Variants in BPNT2 observed in about 807,000 individuals in gnomAD.
BPNT2 encodes Golgi-resident adenosine 3',5'-bisphosphate 3'-phosphatase.
A neutral mutation model predicts 29.3 loss-of-function variants in BPNT2; 11 were observed. The observed-to-expected ratio is 0.38, with a 90% CI of 0.24 to 0.62. BPNT2 has a LOEUF of 0.62. Ranked by LOEUF, BPNT2 falls within the 20% of genes least tolerant of loss-of-function variation. BPNT2 has a pLI of 0.62. For missense variants in BPNT2, 459 were observed against 473.4 expected (o/e 0.97, Z 0.28); for synonymous variants, 195 against 187.7 (o/e 1.04, Z -0.32).
intron 1 of BPNT2, among the ~76,000 whole-genome samples, chr8:56,991,181 G>C (rs1486633348): frequency 6.6e-6 from 1 of 152,156 alleles, no homozygotes; most frequent in Non-Finnish European, 1.5e-5. Context: ...CGCTCAACAT[G>C]ACACCATCCC....
chr8:56,988,118 T>C (rs997507272), intron 1 of BPNT2, among the ~76,000 whole-genome samples: 7 of 152,192 alleles, frequency 4.6e-5, no homozygotes, highest in African/African-American at 9.7e-5. Context: ...CTATCAACTA[T>C]TGTCTTTCAA....
intron 4 of BPNT2, 33 bp downstream of exon 4, chr8:56,966,158 T>C: frequency 6.2e-7 from 1 of 1,611,966 alleles, no homozygotes; most frequent in Non-Finnish European, 8.5e-7. Flanking sequence ...GCCAGGAACA[T>C]TCTCCAGGGA....
chr8:56,980,819 T>TATATAC (rs755705861), intron 1 of BPNT2, among the ~76,000 whole-genome samples: 8 of 141,510 alleles, frequency 5.7e-5, no homozygotes, highest in African/African-American at 2.1e-4. Context: ...TACATACATA[T>TATATAC]ACACACACAC....
At position 56,961,866 on chromosome 8, in the gene BPNT2, T is replaced by C. The variant is rs1217360115; in HGVS notation, c.*1927A>G. 3 of 152,124 alleles carry C rather than the reference T, an allele frequency of 2.0e-5. No homozygotes were observed. Among genetic ancestry groups the C allele is most frequent in the African/African-American group, 7.2e-5 (3 of 41,442 alleles). 9.4% of individuals were successfully genotyped at this position (152,124 alleles called of 1,614,324 possible). A position where few individuals can be genotyped will look rare whatever the true frequency, so the allele number is the denominator to read the frequency against. On this transcript the variant is annotated 3_prime_UTR_variant, in exon 5 of 5. Transcript: ENST00000262644. ...GAAAAAATAAAATAATTCCTGCTAA[T>C]ATGAACTAGTTTGCTTCCCATTAAA...
At chr8:56,988,740 T>C (rs1806365872) in intron 1 of BPNT2, among the ~76,000 whole-genome samples, 1 of 152,204 alleles carries the variant, frequency 6.6e-6, no homozygotes, top group South Asian at 2.1e-4. Context: ...CAACTGACTC[T>C]TTGACAGCTA....
At chr8:56,984,631 T>C (rs926537808) in intron 1 of BPNT2, among the ~76,000 whole-genome samples, 1 of 152,212 alleles carries the variant, frequency 6.6e-6, no homozygotes, top group Admixed American at 6.5e-5. Flanking sequence ...CTATATACGC[T>C]AAACTGCTTT....
intron 3 of BPNT2, among the ~76,000 whole-genome samples, chr8:56,973,547 G>C (rs1252067606): frequency 6.6e-6 from 1 of 152,130 alleles, no homozygotes; most frequent in African/African-American, 2.4e-5. Flanking sequence ...AAAATCATGA[G>C]AGTGCAGATA....
chr8:56,976,861 T>TA (rs936934559), intron 3 of BPNT2, among the ~76,000 whole-genome samples: 3 of 152,110 alleles, frequency 2.0e-5, no homozygotes, highest in African/African-American at 7.2e-5. Context: ...AAAGCTGCCA[T>TA]AAAAAACTAC....
At position 56,993,671 on chromosome 8, in the gene BPNT2, G is replaced by A; in HGVS notation, c.-86C>T. ...CCGCCGCCGCAGCCGCCGCGCTCCG[G>A]GCCAGGCGCCGCGCGGGCTACACTG... On this transcript the variant is annotated 5_prime_UTR_variant, in exon 1 of 5. Coordinates refer to ENST00000262644, the MANE Select transcript of BPNT2 (RefSeq NM_017813.5). 9.0e-6 allele frequency: 10 copies of A among 1,116,594 alleles called. No homozygotes were observed. Among genetic ancestry groups the A allele is most frequent in the East Asian group, 5.4e-5 (1 of 18,358 alleles). The allele number at this position is 1,116,594 out of a possible 1,614,324, so 69.2% of individuals were successfully genotyped here. A position where few individuals can be genotyped will look rare whatever the true frequency, so the allele number is the denominator to read the frequency against.
intron 4 of BPNT2, 100 bp downstream of exon 4, chr8:56,966,091 T>TCACTTTCCTCCC: frequency 7.6e-7 from 1 of 1,310,208 alleles, no homozygotes; most frequent in South Asian, 1.2e-5. Flanking sequence ...CCACTCCTCC[T>TCACTTTCCTCCC]CACTTTCCTC....
At chr8:56,989,104 A>G (rs1806370789) in intron 1 of BPNT2, among the ~76,000 whole-genome samples, 1 of 152,172 alleles carries the variant, frequency 6.6e-6, no homozygotes, top group Non-Finnish European at 1.5e-5. Flanking sequence ...TACATCTGCT[A>G]TACCGCCTTA....
At chr8:56,991,595 A>C (rs1806416677) in intron 1 of BPNT2, among the ~76,000 whole-genome samples, 1 of 152,242 alleles carries the variant, frequency 6.6e-6, no homozygotes, top group Non-Finnish European at 1.5e-5. Flanking sequence ...GGGATAGTTC[A>C]TATAAGCTGG....
intron 3 of BPNT2, among the ~76,000 whole-genome samples, chr8:56,971,278 A>G (rs1585558467): frequency 1.3e-5 from 2 of 151,848 alleles, no homozygotes; most frequent in African/African-American, 4.8e-5. Flanking sequence ...TTAAAAAAAA[A>G]AAAAAAAAAG....
intron 1 of BPNT2, among the ~76,000 whole-genome samples, chr8:56,988,457 A>G (rs1321447564): frequency 6.6e-6 from 1 of 152,230 alleles, no homozygotes; most frequent in Admixed American, 6.5e-5. Context: ...AAGGTTCTTA[A>G]GAAGACTGAA....
chr8:56,963,898 G>GTAA lies in BPNT2; in HGVS notation c.972_974dup (p.Tyr325dup). The GTAA allele has an allele frequency of 6.2e-7, 1 of 1,614,142 alleles. No homozygotes were observed. The highest frequency in any genetic ancestry group is 8.5e-7 in the Non-Finnish European group (1 of 1,180,026). On this transcript the variant is annotated inframe_insertion, in exon 5 of 5. Coordinates refer to ENST00000262644, the MANE Select transcript of BPNT2 (RefSeq NM_017813.5). ...CCCCTTCAATGCCGTCTGAACCAGT[G>GTAA]TAACTGATTTCTTCACCACTCAGGG...
rs1805817471 is a variant in BPNT2 at position 56,960,682 on chromosome 8, C to G, written c.*3111G>C. ...GTAGGAAAACAGTAAAAGCAAGTTT[C>G]CTCAAGCATGCATATCTACCCAACT... is the stretch of plus-strand genomic sequence containing the variant. On this transcript the variant is annotated 3_prime_UTR_variant, in exon 5 of 5. Coordinates refer to ENST00000262644, the MANE Select transcript of BPNT2 (RefSeq NM_017813.5). The G allele has an allele frequency of 6.6e-6, 1 of 152,114 alleles. No homozygotes were observed. The highest frequency in any genetic ancestry group is 1.9e-4 in the East Asian group (1 of 5,194). The allele number at this position is 152,114 out of a possible 1,614,324, so 9.4% of individuals were successfully genotyped here. A position where few individuals can be genotyped will look rare whatever the true frequency, so the allele number is the denominator to read the frequency against.
At position 56,993,751 on chromosome 8, in the gene BPNT2, G is replaced by T; in HGVS notation, c.-166C>A. ...ATCACTCCCTCCCAGGAAAGGCCGA[G>T]TTGCGCCGCGAAGACCACCAACGCC... On this transcript the variant is annotated 5_prime_UTR_variant, in exon 1 of 5. Transcript: ENST00000262644. The T allele has an allele frequency of 1.1e-6, 1 of 906,580 alleles. No homozygotes were observed. The highest frequency in any genetic ancestry group is 1.3e-6 in the Non-Finnish European group (1 of 753,956). The allele number at this position is 906,580 out of a possible 1,614,324, so 56.2% of individuals were successfully genotyped here.
Position 56,964,009 on chromosome 8 carries a change from A to C in BPNT2, c.864T>G (p.Asp288Glu). The change falls in exon 5 of 5, where the codon GAT (aspartate) becomes GAG (glutamate). Residue 288 changes from aspartate (D) to glutamate (E), a missense_variant. Asp to Glu is a conservative substitution (Grantham distance 45, BLOSUM62 2). Coordinates refer to ENST00000262644, the MANE Select transcript of BPNT2 (RefSeq NM_017813.5). Reference protein sequence around the residue: ...DVPDKSQEKADLYIHVTYIKK... With the variant: ...DVPDKSQEKAELYIHVTYIKK... The stretch of plus-strand genomic sequence containing the variant: ...TGATGTATGTCACATGGATGTATAA[A>C]TCAGCTTTTTCTTGACTCTTATCAG... 6.2e-7 allele frequency: 1 copy of C among 1,610,488 alleles called. No homozygotes were observed. The highest frequency in any genetic ancestry group is 8.5e-7 in the Non-Finnish European group (1 of 1,177,748).
At chr8:56,983,582 T>C (rs902621705) in intron 1 of BPNT2, among the ~76,000 whole-genome samples, 5 of 152,082 alleles carry the variant, frequency 3.3e-5, no homozygotes, top group Non-Finnish European at 5.9e-5. Context: ...CAGAGGGTCC[T>C]AGTCATTGCA....
Sources: gnomAD v4.1 joint callset for allele counts (sites outside exome capture counted in the v4.1 genomes callset) on GRCh38, gnomAD v4.1.1 for gene constraint, MANE v1.5 for transcripts, NCBI Gene and HGNC (gene_info 2026-07-23, HGNC 2026-07-21) for gene names.